The following TXNRD3 variants were observed in gnomAD, a reference collection of about 807,000 sequenced individuals.
TXNRD3 encodes TXNRD3 neighbor gene protein.
Under a neutral mutation model 78.2 loss-of-function variants are expected in TXNRD3, and 68 were observed. The observed-to-expected ratio is 0.87, with a 90% confidence interval of 0.72 to 1.06. The LOEUF is 1.06. TXNRD3 is among the 50% of genes least tolerant of loss of function. The pLI is 0.00. For missense variants in TXNRD3, 751 were observed against 809.5 expected (o/e 0.93, Z 0.88); for synonymous variants, 296 against 300.1 (o/e 0.99, Z 0.14).
intron 3 of TXNRD3, 120 bp downstream of exon 3, chr3:126,645,991 A>G (rs1291824508): frequency 2.8e-6 from 2 of 714,084 alleles, no homozygotes; most frequent in African/African-American, 3.6e-5. Context: ...ATTATCCTAT[A>G]TGCTTCATTT....
At chr3:126,629,779 G>C (rs1385872335) in intron 9 of TXNRD3, among the ~76,000 whole-genome samples, 6 of 152,168 alleles carry the variant, frequency 3.9e-5, no homozygotes, top group African/African-American at 1.4e-4. Flanking sequence ...GTACTGAGAT[G>C]GGCCAGAAAG....
rs1938544363 is a variant in TXNRD3, at chr3:126,625,007, T to TCA, written c.1291-2469_1291-2468dup. 3 of 172,244 alleles carry TCA rather than the reference T, an allele frequency of 1.7e-5. 1 individual carries two copies. 10.7% of individuals were successfully genotyped at this position (172,244 alleles called of 1,614,324 possible). On this transcript the variant is annotated intron_variant, in intron 10 of 15. Transcript: ENST00000524230. ...CTGAATTAACATATGTTGGCATGGT[T>TCA]CAACGTGATGTGTGCTCATTATCTA...
chr3:126,611,409 A>G (rs957655417), intron 13 of TXNRD3, among the ~76,000 whole-genome samples: 2 of 152,236 alleles, frequency 1.3e-5, no homozygotes, highest in African/African-American at 4.8e-5. Flanking sequence ...ATAGAGTACC[A>G]GCAACCCAAG....
chr3:126,618,258 AG>A (rs1938360572), intron 12 of TXNRD3, among the ~76,000 whole-genome samples: 2 of 152,226 alleles, frequency 1.3e-5, no homozygotes, highest in African/African-American at 4.8e-5. Flanking sequence ...GAAGCCAAAT[AG>A]CGAAAGTAAT....
intron 1 of TXNRD3, among the ~76,000 whole-genome samples, chr3:126,648,937 G>A (rs1351585943): frequency 6.6e-6 from 1 of 152,138 alleles, no homozygotes; most frequent in Non-Finnish European, 1.5e-5. Flanking sequence ...CCAGGAGTTT[G>A]GGGCTGTAGT....
At chr3:126,627,843 G>A (rs1364715013) in intron 10 of TXNRD3, among the ~76,000 whole-genome samples, 3 of 152,044 alleles carry the variant, frequency 2.0e-5, no homozygotes, top group Non-Finnish European at 4.4e-5. Flanking sequence ...AGGAAATGAG[G>A]AAACATACTC....
chr3:126,611,745 T>C (rs1938202603), intron 13 of TXNRD3, among the ~76,000 whole-genome samples: 1 of 152,166 alleles, frequency 6.6e-6, no homozygotes. Context: ...CTCCCAGTGT[T>C]GCACCTCTGA....
intron 5 of TXNRD3, 85 bp downstream of exon 5, chr3:126,643,896 G>C: frequency 7.7e-7 from 1 of 1,292,160 alleles, no homozygotes; most frequent in Non-Finnish European, 1.1e-6. Context: ...TACCTCTTGA[G>C]ATTGTTGTGA....
At chr3:126,609,598 G>A (rs1938145977) in intron 14 of TXNRD3, among the ~76,000 whole-genome samples, 1 of 152,204 alleles carries the variant, frequency 6.6e-6, no homozygotes, top group Admixed American at 6.5e-5. Context: ...GTAAGTTCGA[G>A]GGTTCTGCTC....
chr3:126,613,688 A>G (rs1938245629), intron 13 of TXNRD3, among the ~76,000 whole-genome samples: 1 of 152,240 alleles, frequency 6.6e-6, no homozygotes. Flanking sequence ...GTAACATCAT[A>G]GTGTAACACA....
At chr3:126,639,631 G>A (rs1402519668) in intron 6 of TXNRD3, among the ~76,000 whole-genome samples, 5 of 152,068 alleles carry the variant, frequency 3.3e-5, no homozygotes, top group Admixed American at 6.6e-5. Context: ...GTGCAGTGGC[G>A]CAATCAGAGC....
In TXNRD3 at chr3:126,633,988, C is replaced by T; in HGVS notation, c.776G>A (p.Gly259Asp). ...CTTTTCCCTCAGAGACAACCTGTAG[C>T]CCCAGTTTAGAGAGCTGATGTGGTT... The change falls in exon 7 of 16, where the codon GGC becomes GAC. Residue 259 changes from glycine to aspartate, a missense_variant. Physicochemically the swap from Gly to Asp is moderately conservative, Grantham distance 94 (BLOSUM62 -1). Transcript: ENST00000524230. 1 of 1,527,868 alleles carries T rather than the reference C, an allele frequency of 6.5e-7. No individual in the cohort carries two copies. Among genetic ancestry groups the T allele is most frequent in the Non-Finnish European group, 8.8e-7 (1 of 1,142,018 alleles). The allele number at this position is 1,527,868 out of a possible 1,614,324, so 94.6% of individuals were successfully genotyped here.
At position 126,630,825 on chromosome 3, in the gene TXNRD3, C is replaced by T. The variant is rs568862506; in HGVS notation, c.1084G>A (p.Val362Ile). The T allele has an allele frequency of 3.8e-5, 58 of 1,535,724 alleles. No individual in the cohort carries two copies. Among genetic ancestry groups the T allele is most frequent in the Non-Finnish European group, 4.9e-5 (56 of 1,146,908 alleles). ...CGGAGAAGGATTGAGCGTACCATAA[C>T]TGTGACATCTAGGCCAAAGCCAGCC... Residue 362 changes from valine (V) to isoleucine (I), a missense_variant, in exon 9 of 16, where the codon GTT becomes ATT. Transcript: ENST00000524230.
chr3:126,646,412 A>C (rs1933235050), intron 2 of TXNRD3, among the ~76,000 whole-genome samples, 192 bp from the exon 3 acceptor site: 1 of 152,236 alleles, frequency 6.6e-6, no homozygotes, highest in Admixed American at 6.5e-5. Context: ...TTAAAAAATA[A>C]AGATCTACTG....
rs917898588 is a variant in TXNRD3, at chr3:126,647,248, G to T, written c.292C>A (p.Leu98Ile). 2.0e-6 allele frequency: 3 copies of T among 1,535,284 alleles called. No homozygotes were observed. Among genetic ancestry groups the T allele is most frequent in the Non-Finnish European group, 2.6e-6 (3 of 1,146,714 alleles). ...CTGGTCTACTTACCAACTTGATCAA[G>T]TTCCAAGACATTACATTCGACTCCC... Residue 98 changes from leucine to isoleucine, a missense_variant, in exon 2 of 16, where the codon CTT becomes ATT. Leu to Ile is a conservative substitution (Grantham distance 5). Coordinates refer to ENST00000524230, the MANE Select transcript of TXNRD3 (RefSeq NM_052883.3).
chr3:126,621,985 T>G, intron 11 of TXNRD3, 87 bp from the exon 12 acceptor site: 1 of 1,107,774 alleles, frequency 9.0e-7, no homozygotes, highest in Admixed American at 3.6e-5. Context: ...AAAGACTAAA[T>G]ACATAGAAGA....
chr3:126,644,207 A>G, intron 4 of TXNRD3, 90 bp downstream of exon 4: 1 of 1,373,852 alleles, frequency 7.3e-7, no homozygotes, highest in South Asian at 1.3e-5. Context: ...TTAAACTGTA[A>G]CATTAGTTTG....
chr3:126,627,995 G>A (rs966329871), intron 10 of TXNRD3, among the ~76,000 whole-genome samples: 12 of 152,236 alleles, frequency 7.9e-5, no homozygotes, highest in Admixed American at 7.8e-4. Flanking sequence ...ACATTACCAA[G>A]TTGGGTTTAT....
chr3:126,608,592 A>C lies in TXNRD3; in HGVS notation c.1770T>G (p.Gly590=). The change falls in exon 15 of 16, where the codon GGT becomes GGG. Residue 590 remains glycine, a synonymous_variant. Transcript: ENST00000524230. ...CAGCTGCAAATCCTTGGGTAACCTC[A>C]CCGGCGTTTGGTCCAAGAATATGAA... 1 of 1,535,908 alleles carries C rather than the reference A, an allele frequency of 6.5e-7. No homozygotes were observed. The highest frequency in any genetic ancestry group is 8.7e-7 in the Non-Finnish European group (1 of 1,146,826).
Sources: allele counts gnomAD v4.1 joint callset (sites outside exome capture counted in the v4.1 genomes callset), GRCh38; gene constraint gnomAD v4.1.1; transcripts MANE v1.5; gene names NCBI Gene and HGNC (gene_info 2026-07-23, HGNC 2026-07-21).